ROBO2: variants seen among roughly 807,000 people sequenced by gnomAD.
ROBO2 encodes roundabout homolog 2.
A neutral mutation model predicts 160.8 loss-of-function variants in ROBO2; 53 were observed. The observed-to-expected ratio is 0.33, with a 90% confidence interval of 0.26 to 0.41. The LOEUF (loss-of-function observed/expected upper bound fraction) is 0.41. ROBO2 is among the 10% of genes least tolerant of loss of function. ROBO2 has a pLI of 1.00. For synonymous variants in ROBO2, 664 were observed against 611.7 expected (o/e 1.09, Z -1.26); for missense variants, 1,577 against 1,722.4 (o/e 0.92, Z 1.49).
intron 2 of ROBO2, among the ~76,000 whole-genome samples, chr3:76,934,441 AT>A (rs67169827): frequency 0.2 from 30,851 of 151,440 alleles, 3,173 homozygotes; most frequent in South Asian, 0.3. Flanking sequence ...AAATGGTTCA[AT>A]TAAAGAAAAA....
At chr3:76,764,500 G>GA (rs2061473374) in intron 2 of ROBO2, among the ~76,000 whole-genome samples, 1 of 151,612 alleles carries the variant, frequency 6.6e-6, no homozygotes, top group Admixed American at 6.6e-5. Flanking sequence ...AATATTAAAT[G>GA]ACCATTTATA....
At chr3:76,148,860 T>C (rs757275761) in intron 2 of ROBO2, among the ~76,000 whole-genome samples, 10 of 152,152 alleles carry the variant, frequency 6.6e-5, no homozygotes, top group Non-Finnish European at 1.3e-4. Context: ...GGTGCAGTGC[T>C]TGTCTTTCTT....
intron 2 of ROBO2, among the ~76,000 whole-genome samples, chr3:76,010,559 A>G (rs771448127): frequency 1.3e-5 from 2 of 152,258 alleles, no homozygotes; most frequent in Non-Finnish European, 2.9e-5. Flanking sequence ...GCCATATGGC[A>G]TCAATTGTAA....
intron 2 of ROBO2, among the ~76,000 whole-genome samples, chr3:76,211,800 T>TAA (rs1435661024): frequency 6.6e-6 from 1 of 152,076 alleles, no homozygotes; most frequent in Non-Finnish European, 1.5e-5. Context: ...GCTGTTGATA[T>TAA]AAATTCAAAA....
At chr3:76,815,892 G>A (rs1232156444) in intron 2 of ROBO2, among the ~76,000 whole-genome samples, 4 of 152,172 alleles carry the variant, frequency 2.6e-5, no homozygotes, top group African/African-American at 9.6e-5. Flanking sequence ...CCAAAGCAGT[G>A]TTCAGTTTTG....
intron 2 of ROBO2, among the ~76,000 whole-genome samples, chr3:76,881,919 C>T (rs185546214): frequency 1.3e-5 from 2 of 151,942 alleles, no homozygotes; most frequent in African/African-American, 2.4e-5. Flanking sequence ...ACCAGGGTGT[C>T]TGTTGGGTGG....
chr3:76,032,091 G>A (rs2066942244), intron 2 of ROBO2, among the ~76,000 whole-genome samples: 2 of 152,150 alleles, frequency 1.3e-5, no homozygotes, highest in South Asian at 4.1e-4. Context: ...TTGGGAGGGT[G>A]TATGTGTCCA....
chr3:76,520,901 C>G (rs2107878597), intron 2 of ROBO2, among the ~76,000 whole-genome samples: 1 of 152,222 alleles, frequency 6.6e-6, no homozygotes, highest in East Asian at 1.9e-4. Flanking sequence ...ACTGTACGGT[C>G]TCTTAGATAG....
intron 2 of ROBO2, among the ~76,000 whole-genome samples, chr3:76,298,300 G>A (rs1297471067): frequency 2.6e-5 from 4 of 152,114 alleles, no homozygotes; most frequent in African/African-American, 9.7e-5. Context: ...AGAGGGATAG[G>A]GGTCTCTGGG....
intron 2 of ROBO2, among the ~76,000 whole-genome samples, chr3:76,497,035 A>G (rs1384797235): frequency 6.6e-6 from 1 of 152,218 alleles, no homozygotes; most frequent in African/African-American, 2.4e-5. Flanking sequence ...TTAAAAGGCC[A>G]CATCACCTTT....
intron 2 of ROBO2, among the ~76,000 whole-genome samples, chr3:77,255,855 A>G (rs545664340): frequency 1.6e-4 from 24 of 152,302 alleles, no homozygotes; most frequent in Admixed American, 3.3e-4. Flanking sequence ...AGGAAATCCT[A>G]TGGGTATGTG....
At chr3:76,448,799 C>T (rs926323080) in intron 2 of ROBO2, among the ~76,000 whole-genome samples, 1 of 152,126 alleles carries the variant, frequency 6.6e-6, no homozygotes, top group East Asian at 1.9e-4. Context: ...CTAATTATCC[C>T]CCATTTTGCA....
At chr3:77,605,146 A>T (rs2094501376) in intron 20 of ROBO2, among the ~76,000 whole-genome samples, 2 of 149,054 alleles carry the variant, frequency 1.3e-5, no homozygotes, top group South Asian at 4.2e-4. Flanking sequence ...CCTGGGTGAC[A>T]GACTGAGACC....
intron 2 of ROBO2, among the ~76,000 whole-genome samples, chr3:77,242,809 G>A (rs1237931390): frequency 2.0e-5 from 3 of 150,992 alleles, no homozygotes; most frequent in African/African-American, 7.3e-5. Context: ...TCCATATCTA[G>A]TAGAGTCTTC....
intron 1 of ROBO2, among the ~76,000 whole-genome samples, chr3:75,911,284 A>G (rs912865469): frequency 2.2e-4 from 33 of 152,152 alleles, no homozygotes; most frequent in African/African-American, 7.5e-4. Context: ...TACACGATCT[A>G]TTACAGACCC....
At chr3:75,941,175 C>T (rs1049725097) in intron 2 of ROBO2, among the ~76,000 whole-genome samples, 3 of 152,060 alleles carry the variant, frequency 2.0e-5, no homozygotes, top group Non-Finnish European at 4.4e-5. Context: ...AGGCAGGTCA[C>T]GAACTCCTAT....
chr3:76,180,547 A>T (rs1278889216), intron 2 of ROBO2, among the ~76,000 whole-genome samples: 2 of 151,964 alleles, frequency 1.3e-5, no homozygotes, highest in African/African-American at 2.4e-5. Flanking sequence ...TTTTCTCACC[A>T]TCCTCCTATT....
rs144146649 is a variant in ROBO2, at chr3:76,657,771, T to C, written c.110-440243T>C. Among the ~76,000 whole-genome samples the C allele has an allele frequency of 7.6e-3, 1,119 of 147,182 alleles. 13 individuals carry two copies. Among genetic ancestry groups the C allele is most frequent in the African/African-American group, 0.024 (964 of 40,078 alleles). On this transcript the variant is annotated intron_variant, in intron 2 of 26. Transcript: ENST00000487694. The stretch of plus-strand genomic sequence containing the variant: ...ATATATATGTATATATATATGTTCA[T>C]AGGTATGTGTATATATATGTTCATA...
At chr3:76,630,171 G>T (rs1388804190) in intron 2 of ROBO2, among the ~76,000 whole-genome samples, 1 of 152,202 alleles carries the variant, frequency 6.6e-6, no homozygotes, top group African/African-American at 2.4e-5. Context: ...GAGTTTGCAT[G>T]TTCTCTCTAT....
Sources: allele counts gnomAD v4.1 joint callset (sites outside exome capture counted in the v4.1 genomes callset), GRCh38; gene constraint gnomAD v4.1.1; transcripts MANE v1.5; gene names NCBI Gene and HGNC (gene_info 2026-07-23, HGNC 2026-07-21).